Variants in SRGAP3 observed in about 807,000 individuals in gnomAD.
SRGAP3 encodes SLIT-ROBO Rho GTPase activating protein 3, also known as SLIT-ROBO Rho GTPase-activating protein 3.
In SRGAP3, 39 loss-of-function variants were observed where a neutral mutation model predicts 121.1. The observed-to-expected ratio is 0.32, with a 90% CI of 0.25 to 0.42. The LOEUF (loss-of-function observed/expected upper bound fraction) is 0.42. SRGAP3 is among the 10% of genes least tolerant of loss of function. The pLI is 1.00. For synonymous variants in SRGAP3, 601 were observed against 570.0 expected, an observed-to-expected ratio of 1.05 and a Z score of -0.77; for missense variants, 1,213 against 1,470.6, an observed-to-expected ratio of 0.82 and a Z score of 2.86.
chr3:9,336,320 A>C (rs1575014516), intron 1 of SRGAP3, among the ~76,000 whole-genome samples: 1 of 151,794 alleles, frequency 6.6e-6, no homozygotes, highest in East Asian at 1.9e-4. Flanking sequence ...GGAGAGAAGG[A>C]TCCTCCTTCC....
intron 1 of SRGAP3, among the ~76,000 whole-genome samples, chr3:9,209,186 G>A (rs1444498863): frequency 6.6e-6 from 1 of 152,126 alleles, no homozygotes; most frequent in Non-Finnish European, 1.5e-5. Flanking sequence ...ATGTTCACAG[G>A]GGTTTCTCTC....
intron 2 of SRGAP3, among the ~76,000 whole-genome samples, chr3:9,122,617 G>C (rs1485217480): frequency 6.6e-6 from 1 of 151,234 alleles, no homozygotes; most frequent in African/African-American, 2.4e-5. Flanking sequence ...GCTGAGGCAG[G>C]AGAATTGCTT....
chr3:9,222,419 T>C (rs1230471572), intron 1 of SRGAP3, among the ~76,000 whole-genome samples: 1 of 152,214 alleles, frequency 6.6e-6, no homozygotes, highest in East Asian at 1.9e-4. Flanking sequence ...TTTCCCCACC[T>C]GGATTCCACA....
intron 4 of SRGAP3, among the ~76,000 whole-genome samples, chr3:9,072,556 T>C (rs1946769197): frequency 6.6e-6 from 1 of 152,244 alleles, no homozygotes; most frequent in Non-Finnish European, 1.5e-5. Flanking sequence ...TGGCAGGCTG[T>C]GACAGCCCCG....
intron 3 of SRGAP3, among the ~76,000 whole-genome samples, chr3:9,314,789 C>A (rs964769419): frequency 1.5e-4 from 23 of 152,270 alleles, no homozygotes; most frequent in African/African-American, 5.5e-4. Context: ...AGCTTCAGTG[C>A]CCCTCTACAG....
intron 1 of SRGAP3, among the ~76,000 whole-genome samples, chr3:9,157,060 T>C (rs1015647225): frequency 2.6e-5 from 4 of 152,200 alleles, no homozygotes; most frequent in Non-Finnish European, 5.9e-5. Context: ...TTCTTGAGCA[T>C]AATGAATACT....
chr3:9,071,102 C>A (rs1457478814), intron 4 of SRGAP3, among the ~76,000 whole-genome samples: 2 of 152,032 alleles, frequency 1.3e-5, no homozygotes, highest in Non-Finnish European at 2.9e-5. Context: ...GCAAACAGGA[C>A]TGGGGAGCAG....
At chr3:9,324,387 A>C (rs1955482058) in intron 3 of SRGAP3, among the ~76,000 whole-genome samples, 1 of 151,916 alleles carries the variant, frequency 6.6e-6, no homozygotes, top group Non-Finnish European at 1.5e-5. Context: ...AAATGTACTT[A>C]CATGGTTTTG....
chr3:9,183,548 T>C (rs1176304209), intron 1 of SRGAP3, among the ~76,000 whole-genome samples: 1 of 152,086 alleles, frequency 6.6e-6, no homozygotes, highest in Non-Finnish European at 1.5e-5. Flanking sequence ...TCTGGGAGAA[T>C]ACACAGCACA....
At chr3:9,186,641 G>A (rs1398111257) in intron 1 of SRGAP3, among the ~76,000 whole-genome samples, 1 of 152,168 alleles carries the variant, frequency 6.6e-6, no homozygotes, top group African/African-American at 2.4e-5. Flanking sequence ...ACCGTGAGAT[G>A]AAGGAATGAA....
chr3:9,263,407 CA>C (rs201451399), intron 3 of SRGAP3, among the ~76,000 whole-genome samples: 10 of 150,334 alleles, frequency 6.7e-5, no homozygotes, highest in African/African-American at 2.0e-4. Context: ...AAAAACCCTT[CA>C]AAAAAAAATC....
intron 3 of SRGAP3, among the ~76,000 whole-genome samples, chr3:9,312,000 A>G (rs1955256422): frequency 6.6e-6 from 1 of 152,222 alleles, no homozygotes; most frequent in South Asian, 2.1e-4. Flanking sequence ...TGGACTAGTA[A>G]ATGAAAGTTG....
chr3:9,265,293 C>G (rs555694126), intron 3 of SRGAP3, among the ~76,000 whole-genome samples: 16 of 152,144 alleles, frequency 1.1e-4, no homozygotes, highest in Non-Finnish European at 2.1e-4. Context: ...CTAGGCAATA[C>G]TATTCAGGAC....
At chr3:9,235,118 C>T (rs962476680) in intron 1 of SRGAP3, among the ~76,000 whole-genome samples, 16 of 152,160 alleles carry the variant, frequency 1.1e-4, no homozygotes, top group African/African-American at 3.9e-4. Flanking sequence ...AGTGGTGTCC[C>T]CTCCCTAAAG....
intron 1 of SRGAP3, among the ~76,000 whole-genome samples, chr3:9,172,867 G>A (rs1042559586): frequency 2.6e-5 from 4 of 152,252 alleles, no homozygotes; most frequent in African/African-American, 9.6e-5. Context: ...AGGCCCTGGT[G>A]CGGGGCCATT....
In SRGAP3 at chr3:9,029,138, G is replaced by C. The variant is rs150046623; in HGVS notation, c.1540-2143C>G. ...AATCCCAGAACTGAGCAAACAGCCTGGTCGAACAGGCTGTATGAGCAATAT... is the reference window on the plus strand; with the variant it reads ...AATCCCAGAACTGAGCAAACAGCCTCGTCGAACAGGCTGTATGAGCAATAT... On this transcript the variant is annotated intron_variant, in intron 12 of 21. Coordinates refer to ENST00000383836, the MANE Select transcript of SRGAP3 (RefSeq NM_014850.4). Among the ~76,000 whole-genome samples the C allele has an allele frequency of 3.3e-4, 50 of 152,286 alleles. No homozygotes were observed. The East Asian group carries it at 8.7e-3, about 26-fold the overall frequency.
chr3:9,087,836 G>A (rs1259409025), intron 3 of SRGAP3, among the ~76,000 whole-genome samples: 1 of 152,098 alleles, frequency 6.6e-6, no homozygotes, highest in Non-Finnish European at 1.5e-5. Context: ...TGAATGGGAG[G>A]AGCTGGAGAT....
At chr3:9,013,906 G>T (rs939118957) in intron 15 of SRGAP3, 64 bp from the exon 16 acceptor site, 2 of 1,487,688 alleles carry the variant, frequency 1.3e-6, no homozygotes, top group African/African-American at 1.4e-5. Context: ...ACAAACATTC[G>T]CTCGCCACAT....
chr3:9,190,334 AAGGCAGGAGATGAGAAC>A, intron 1 of SRGAP3, among the ~76,000 whole-genome samples: 1 of 152,320 alleles, frequency 6.6e-6, no homozygotes, highest in South Asian at 2.1e-4. Flanking sequence ...AGTGATTTAG[AAGGCAGGAGATGAGAAC>A]AGGCAATTCA....
Sources: gnomAD v4.1 joint callset for allele counts (sites outside exome capture counted in the v4.1 genomes callset) on GRCh38, gnomAD v4.1.1 for gene constraint, MANE v1.5 for transcripts, NCBI Gene and HGNC (gene_info 2026-07-23, HGNC 2026-07-21) for gene names.